TRMT11: variants seen among roughly 807,000 people sequenced by gnomAD.
The protein encoded by TRMT11 is tRNA (guanine(10)-N(2))-methyltransferase TRMT11.
Under a neutral mutation model 62.8 loss-of-function variants are expected in TRMT11, and 53 were observed. The observed-to-expected ratio is 0.84, with a 90% CI of 0.68 to 1.06. The LOEUF is 1.06. TRMT11 is among the 50% of genes least tolerant of loss of function. TRMT11 has a pLI of 0.00. For missense variants in TRMT11, 556 were observed against 553.4 expected, an observed-to-expected ratio of 1.00 and a Z score of -0.05; for synonymous variants, 188 against 190.3, an observed-to-expected ratio of 0.99 and a Z score of 0.10.
chr6:126,111,447 G>A (rs1777530302), intron 17 of TRMT11, among the ~76,000 whole-genome samples: 1 of 152,020 alleles, frequency 6.6e-6, no homozygotes, highest in East Asian at 1.9e-4. Flanking sequence ...AATATTAAAA[G>A]TCTCTTAATA....
In TRMT11 at chr6:126,170,671, G is replaced by A. The variant is rs149479982; in HGVS notation, c.*1824-4154G>A. Among the ~76,000 whole-genome samples the A allele has an allele frequency of 5.0e-4, 76 of 152,152 alleles. 2 individuals carry two copies. The highest frequency in any genetic ancestry group is 1.8e-3 in the African/African-American group (74 of 41,522). On this transcript the variant is annotated intron_variant and NMD_transcript_variant, in intron 21 of 22. Coordinates refer to the TRMT11 transcript ENST00000648977. The stretch of plus-strand genomic sequence containing the variant: ...CAGGTCTCACTCCACACTTCCTGAC[G>A]TGGTATCTGCATTTTTACAAGATCT...
intron 1 of TRMT11, 49 bp from the exon 2 acceptor site, chr6:125,993,708 T>A (rs1468416743): frequency 7.8e-7 from 1 of 1,280,208 alleles, no homozygotes; most frequent in Admixed American, 1.7e-5. Flanking sequence ...AGTACATTTT[T>A]AGTTCCTTTT....
the TRMT11 span, among the ~76,000 whole-genome samples, chr6:126,236,791 G>A: frequency 5.9e-5 from 9 of 152,234 alleles, no homozygotes; most frequent in East Asian, 1.7e-3. Flanking sequence ...TGATTGGGGA[G>A]GGGATACGTG....
At chr6:126,244,468 G>T in the TRMT11 span, among the ~76,000 whole-genome samples, 50 of 152,170 alleles carry the variant, frequency 3.3e-4, 1 homozygote, top group Admixed American at 2.9e-3. Context: ...AGAATCTATG[G>T]CCAGTATCAA....
At chr6:126,010,212 A>C in intron 8 of TRMT11, among the ~76,000 whole-genome samples, 1 of 151,968 alleles carries the variant, frequency 6.6e-6, no homozygotes, top group East Asian at 1.9e-4. Flanking sequence ...ACGCTAACAA[A>C]GGCCACAGAT....
the TRMT11 span, among the ~76,000 whole-genome samples, chr6:126,255,593 A>G: frequency 6.6e-5 from 10 of 152,300 alleles, no homozygotes; most frequent in Admixed American, 6.5e-4. Context: ...CTTAAGTTAA[A>G]TCTATCTTGA....
chr6:126,130,469 A>T (rs1031852220), intron 21 of TRMT11, among the ~76,000 whole-genome samples: 8 of 152,122 alleles, frequency 5.3e-5, no homozygotes, highest in African/African-American at 1.7e-4. Flanking sequence ...CTGCCCAGCC[A>T]GAACGGGAAG....
the TRMT11 span, among the ~76,000 whole-genome samples, chr6:126,233,728 G>T: frequency 6.6e-6 from 1 of 152,080 alleles, no homozygotes; most frequent in Non-Finnish European, 1.5e-5. Context: ...GAAATCAGAA[G>T]AAAAGGAGTA....
chr6:126,059,017 CTTGCACCT>C (rs1381912703), intron 17 of TRMT11, among the ~76,000 whole-genome samples: 1 of 150,564 alleles, frequency 6.6e-6, no homozygotes, highest in Non-Finnish European at 1.5e-5. Flanking sequence ...GAATTGGCTC[CTTGCACCT>C]CTTCTCTCTC....
the TRMT11 span, among the ~76,000 whole-genome samples, chr6:126,232,896 T>G: frequency 6.6e-6 from 1 of 152,216 alleles, no homozygotes; most frequent in South Asian, 2.1e-4. Flanking sequence ...TGTCAAGTCA[T>G]GTGGCGCTGG....
chr6:126,205,940 T>TGC (rs1778787484), downstream of TRMT11, among the ~76,000 whole-genome samples: 3 of 103,348 alleles, frequency 2.9e-5, no homozygotes, highest in South Asian at 9.8e-4. Flanking sequence ...CACACACACA[T>TGC]GCGCGCACAC....
At chr6:126,165,553 G>A (rs1005804188) in intron 21 of TRMT11, among the ~76,000 whole-genome samples, 1 of 152,082 alleles carries the variant, frequency 6.6e-6, no homozygotes, top group Non-Finnish European at 1.5e-5. Context: ...CTTAGTTTGG[G>A]TGGATATGAA....
chr6:126,156,066 C>T (rs1012125609), intron 21 of TRMT11, among the ~76,000 whole-genome samples: 6 of 152,176 alleles, frequency 3.9e-5, no homozygotes, highest in African/African-American at 7.2e-5. Flanking sequence ...AAATAATCCC[C>T]TTTGATTCCA....
intron 21 of TRMT11, among the ~76,000 whole-genome samples, chr6:126,125,569 G>A (rs752904899): frequency 1.3e-5 from 2 of 152,076 alleles, no homozygotes; most frequent in Non-Finnish European, 2.9e-5. Flanking sequence ...TATGGGCCAC[G>A]TATAGTGCCA....
chr6:126,073,790 C>CA (rs1307935607), intron 17 of TRMT11, among the ~76,000 whole-genome samples: 2 of 152,248 alleles, frequency 1.3e-5, no homozygotes, highest in East Asian at 3.9e-4. Flanking sequence ...CGAATAAAGA[C>CA]ATACCCAAGA....
At chr6:126,080,360 T>C (rs1372440941) in intron 17 of TRMT11, among the ~76,000 whole-genome samples, 1 of 151,990 alleles carries the variant, frequency 6.6e-6, no homozygotes, top group Non-Finnish European at 1.5e-5. Context: ...GTGCTGGGAA[T>C]CAACAGGCAT....
intron 7 of TRMT11, among the ~76,000 whole-genome samples, chr6:126,004,620 C>T (rs1793063434): frequency 6.6e-6 from 1 of 152,008 alleles, no homozygotes; most frequent in East Asian, 1.9e-4. Flanking sequence ...TTCTCCATGG[C>T]CATAGTTTTC....
chr6:126,054,311 G>A (rs527519968), intron 17 of TRMT11, among the ~76,000 whole-genome samples: 1 of 152,212 alleles, frequency 6.6e-6, no homozygotes, highest in Non-Finnish European at 1.5e-5. Flanking sequence ...TAAGTTGGGT[G>A]AATTGCATAG....
downstream of TRMT11, among the ~76,000 whole-genome samples, chr6:126,040,877 A>G (rs565991756): frequency 3.4e-4 from 52 of 152,030 alleles, no homozygotes; most frequent in African/African-American, 1.2e-3. Context: ...AGCTGGGAGG[A>G]AATAGTGGAG....
Sources: gnomAD v4.1 joint callset for allele counts (sites outside exome capture counted in the v4.1 genomes callset) on GRCh38, gnomAD v4.1.1 for gene constraint, MANE v1.5 for transcripts, NCBI Gene and HGNC (gene_info 2026-07-23, HGNC 2026-07-21) for gene names.